ZNF233: variants seen among roughly 807,000 people sequenced by gnomAD.
ZNF233 encodes zinc finger protein 233.
ZNF233 carries 7 observed loss-of-function variants against 11.6 expected under a neutral mutation model. The observed-to-expected ratio is 0.60, with a 90% CI of 0.34 to 1.13. ZNF233 has a LOEUF of 1.13. Among genes scored for constraint, ZNF233 ranks in the 50% most tolerant of loss-of-function variants. The probability of loss-of-function intolerance (pLI) is 0.03; values close to 1 mark genes in which losing one functional copy is unlikely to be tolerated. For synonymous variants in ZNF233, 226 were observed against 268.5 expected, an observed-to-expected ratio of 0.84 and a Z score of 1.55; for missense variants, 711 against 785.5, an observed-to-expected ratio of 0.91 and a Z score of 1.13.
chr19:44,261,593 G>C (rs1016106107), intron 1 of ZNF233, among the ~76,000 whole-genome samples: 1 of 151,272 alleles, frequency 6.6e-6, no homozygotes, highest in African/African-American at 2.4e-5. Flanking sequence ...TAAATAAATA[G>C]ATAGGGTTTA....
intron 4 of ZNF233, among the ~76,000 whole-genome samples, chr19:44,271,773 G>A (rs1318346260): frequency 6.6e-6 from 1 of 151,832 alleles, no homozygotes; most frequent in Non-Finnish European, 1.5e-5. Context: ...GCCTTCCAAA[G>A]TGCTAGGATT....
intron 2 of ZNF233, 31 bp downstream of exon 2, chr19:44,264,406 A>G (rs1399583933): frequency 2.5e-6 from 4 of 1,602,570 alleles, no homozygotes; most frequent in Admixed American, 3.5e-5. Context: ...TATCTCTTAA[A>G]ATGACATCTC....
Position 44,274,344 on chromosome 19 carries a change from A to G in ZNF233, c.1684A>G (p.Asn562Asp). The change falls in exon 5 of 5, where the codon AAT becomes GAT. Residue 562 changes from asparagine to aspartate, a missense_variant. Physicochemically the swap from Asn to Asp is conservative, Grantham distance 23. Transcript: ENST00000683810. The stretch of plus-strand genomic sequence containing the variant: ...CCATCAGCAAGTCCATACTGGAGAG[A>G]ATCCCTACAAATGTGATGTGTGTGG... The part of the protein sequence containing the change: ...QDHQQVHTGE[N>D]PYKCDVCGKG... The G allele has an allele frequency of 2.5e-6, 4 of 1,614,002 alleles. No homozygotes were observed. The highest frequency in any genetic ancestry group is 3.4e-6 in the Non-Finnish European group (4 of 1,179,954).
At chr19:44,264,038 C>A (rs1440808929) in intron 1 of ZNF233, among the ~76,000 whole-genome samples, 2 of 152,292 alleles carry the variant, frequency 1.3e-5, no homozygotes, top group East Asian at 3.9e-4. Context: ...CCCCAGAATC[C>A]ACTTTTGTAG....
At chr19:44,272,761 C>A in intron 4 of ZNF233, 138 bp from the exon 5 acceptor site, 3 of 614,096 alleles carry the variant, frequency 4.9e-6, no homozygotes, top group Non-Finnish European at 8.0e-6. Context: ...GAAAAAAAAA[C>A]AATGATAAAG....
At position 44,273,488 on chromosome 19, in the gene ZNF233, C is replaced by G. The variant is rs1451116738; in HGVS notation, c.828C>G (p.His276Gln). Residue 276 changes from histidine to glutamine, a missense_variant, in exon 5 of 5, where the codon CAC (histidine) becomes CAG (glutamine). His to Gln is a conservative substitution (Grantham distance 24). Transcript: ENST00000683810. Reference sequence around the variant, plus strand: ...GTGTTGGCTCTAATCTTGAACTTCACCAGCAACTACACTTAAGAGACAAGC... The same window carrying G: ...GTGTTGGCTCTAATCTTGAACTTCAGCAGCAACTACACTTAAGAGACAAGC... ...GLSVGSNLEL[H>Q]QQLHLRDKPH... 2 of 1,614,176 alleles carry G rather than the reference C, an allele frequency of 1.2e-6. No homozygotes were observed. The highest frequency in any genetic ancestry group is 2.2e-5 in the South Asian group (2 of 91,076).
intron 4 of ZNF233, 122 bp from the exon 5 acceptor site, chr19:44,272,777 C>G (rs1160355871): frequency 1.0e-5 from 7 of 684,176 alleles, no homozygotes; most frequent in Non-Finnish European, 7.1e-6. Context: ...TAAAGTCAAG[C>G]TGAACTCTCC....
chr19:44,266,644 A>G (rs1975092050), intron 3 of ZNF233, among the ~76,000 whole-genome samples: 1 of 152,220 alleles, frequency 6.6e-6, no homozygotes, highest in Non-Finnish European at 1.5e-5. Context: ...AGATGTGATA[A>G]AAGTAGATAA....
Position 44,266,257 on chromosome 19 carries a change from G to C in ZNF233, c.75G>C (p.Leu25=). 1 of 1,612,628 alleles carries C rather than the reference G, an allele frequency of 6.2e-7. No individual in the cohort carries two copies. Among genetic ancestry groups the C allele is most frequent in the Non-Finnish European group, 8.5e-7 (1 of 1,179,206 alleles). The change falls in exon 3 of 5, where the codon CTG becomes CTC. Residue 25 remains leucine, a synonymous_variant. Transcript: ENST00000683810. ...VVFTREELGL[L]DLAQRKLYQD... ...TCACCAGGGAGGAGCTGGGGTTGCT[G>C]GACCTTGCCCAGAGAAAGCTGTACC...
intron 4 of ZNF233, 69 bp from the exon 5 acceptor site, chr19:44,272,830 G>GT (rs917685551): frequency 1.9e-5 from 22 of 1,166,878 alleles, no homozygotes; most frequent in East Asian, 7.1e-5. Flanking sequence ...CCTGTGAAAT[G>GT]TTTTTTTATT....
Position 44,273,294 on chromosome 19 carries a change from CATT to C in ZNF233, c.635_637del (p.His212_Cys213delinsArg). The C allele has an allele frequency of 6.2e-7, 1 of 1,614,024 alleles. No individual in the cohort carries two copies. The highest frequency in any genetic ancestry group is 8.5e-7 in the Non-Finnish European group (1 of 1,180,006). On this transcript the variant is annotated inframe_deletion, in exon 5 of 5. Coordinates refer to ENST00000683810, the MANE Select transcript of ZNF233 (RefSeq NM_001207005.2). The stretch of plus-strand genomic sequence containing the variant: ...AAAAAATAAGCTCTGTAAATGTGAT[CATT>C]GTGTTAGGCAAAGAATTGCTCATCA...
At chr19:44,269,254 C>A (rs1259400878) in intron 4 of ZNF233, among the ~76,000 whole-genome samples, 1 of 151,890 alleles carries the variant, frequency 6.6e-6, no homozygotes, top group East Asian at 1.9e-4. Flanking sequence ...TAGCTTCTTC[C>A]CAACTTCTTC....
chr19:44,265,746 T>C (rs908928023), intron 2 of ZNF233, among the ~76,000 whole-genome samples: 4 of 152,170 alleles, frequency 2.6e-5, no homozygotes, highest in Admixed American at 2.6e-4. Flanking sequence ...TACTCATTGA[T>C]TGATGGGCAT....
intron 4 of ZNF233, among the ~76,000 whole-genome samples, chr19:44,270,352 A>AAC (rs1464238493): frequency 5.5e-4 from 82 of 148,998 alleles, no homozygotes; most frequent in African/African-American, 2.0e-3. Flanking sequence ...ATACTAAAAA[A>AAC]AAAAAAAAAA....
In ZNF233 at chr19:44,272,926, C is replaced by G. The variant is rs763639730; in HGVS notation, c.266C>G (p.Thr89Ser). Residue 89 changes from threonine to serine, a missense_variant, in exon 5 of 5, where the codon ACC (threonine) becomes AGC (serine). Physicochemically the swap from Thr to Ser is moderately conservative, Grantham distance 58. Coordinates refer to ENST00000683810, the MANE Select transcript of ZNF233 (RefSeq NM_001207005.2). ...CACAAGAATCAAAATGAGATAGATA[C>G]CCTTCAAGAAGTAAGATTAAGATTC... Reference protein sequence around the residue: ...SGHKNQNEIDTLQEVRLRFLS... With the variant: ...SGHKNQNEIDSLQEVRLRFLS... 5.0e-6 allele frequency: 8 copies of G among 1,597,294 alleles called. No individual in the cohort carries two copies. The highest frequency in any genetic ancestry group is 1.3e-5 in the African/African-American group (1 of 74,208).
chr19:44,262,657 G>A (rs1405458996), intron 1 of ZNF233, among the ~76,000 whole-genome samples: 1 of 152,122 alleles, frequency 6.6e-6, no homozygotes, highest in African/African-American at 2.4e-5. Context: ...CCTGAAGTAG[G>A]AGGACCCACG....
intron 1 of ZNF233, among the ~76,000 whole-genome samples, chr19:44,261,125 C>G (rs1036048393): frequency 6.6e-6 from 1 of 152,078 alleles, no homozygotes; most frequent in Admixed American, 6.5e-5. Flanking sequence ...GACCTTTGTG[C>G]CACTCTCCTT....
At chr19:44,266,754 T>C (rs1975095259) in intron 3 of ZNF233, 112 bp from the exon 4 acceptor site, 1 of 689,262 alleles carries the variant, frequency 1.5e-6, no homozygotes, top group Non-Finnish European at 2.5e-6. Flanking sequence ...CAATAGCTCA[T>C]GATCACAATT....
Position 44,274,322 on chromosome 19 carries a change from T to C in ZNF233, c.1662T>C (p.His554=), listed in dbSNP as rs1176168573. 6.2e-7 allele frequency: 1 copy of C among 1,613,482 alleles called. No homozygotes were observed. Among genetic ancestry groups the C allele is most frequent in the African/African-American group, 1.3e-5 (1 of 74,710 alleles). Residue 554 remains histidine, a synonymous_variant, in exon 5 of 5, where the codon CAT becomes CAC. Coordinates refer to ENST00000683810, the MANE Select transcript of ZNF233 (RefSeq NM_001207005.2). ...GTCAGAGTTCGCATCTCCAAGACCA[T>C]CAGCAAGTCCATACTGGAGAGAATC... The part of the protein sequence containing the change: ...GFSQSSHLQD[H]QQVHTGENPY...
Sources: gnomAD v4.1 joint callset for allele counts (sites outside exome capture counted in the v4.1 genomes callset) on GRCh38, gnomAD v4.1.1 for gene constraint, MANE v1.5 for transcripts, NCBI Gene and HGNC (gene_info 2026-07-23, HGNC 2026-07-21) for gene names.